TACC2: variants seen among roughly 807,000 people sequenced by gnomAD.
The protein encoded by TACC2 is transforming acidic coiled-coil-containing protein 2.
TACC2 carries 137 observed loss-of-function variants against 227.3 expected under a neutral mutation model. The ratio of observed to expected loss-of-function variants is 0.60; its 90% confidence interval spans 0.52 to 0.69. The LOEUF (loss-of-function observed/expected upper bound fraction) is 0.69. Among genes scored for constraint, TACC2 ranks in the 30% least tolerant of loss-of-function variants. TACC2 has a pLI of 0.00. For synonymous variants in TACC2, 1,523 were observed against 1,487.5 expected (o/e 1.02, Z -0.55); for missense variants, 3,470 against 3,694.4 (o/e 0.94, Z 1.57).
intron 8 of TACC2, among the ~76,000 whole-genome samples, chr10:122,199,110 G>A (rs533171404): frequency 3.3e-5 from 5 of 152,250 alleles, no homozygotes; most frequent in Non-Finnish European, 7.3e-5. Context: ...GGGCCTTGGA[G>A]GTAATGGGGG....
At chr10:122,166,622 C>G (rs1201123635) in intron 7 of TACC2, among the ~76,000 whole-genome samples, 2 of 152,204 alleles carry the variant, frequency 1.3e-5, no homozygotes, top group Non-Finnish European at 2.9e-5. Flanking sequence ...GACCTCACCC[C>G]AGACCAGCTG....
intron 8 of TACC2, among the ~76,000 whole-genome samples, chr10:122,200,003 A>G (rs72840880): frequency 1.5e-4 from 23 of 152,352 alleles, no homozygotes; most frequent in Admixed American, 7.8e-4. Context: ...GAGGATTTCA[A>G]CATAGGAATT....
At chr10:122,067,828 C>G (rs1208503784) in intron 3 of TACC2, among the ~76,000 whole-genome samples, 1 of 152,126 alleles carries the variant, frequency 6.6e-6, no homozygotes, top group Non-Finnish European at 1.5e-5. Context: ...GTTTCTTATG[C>G]TTGGCATTAG....
chr10:121,995,567 A>G lies in TACC2; in HGVS notation c.-46+6079A>G, dbSNP rs73366489. ...CTGTTTTGCATTGCTGTAAAGGAAC[A>G]CCTGAGACTGAGTAGTTTATAAAGA... On this transcript the variant is annotated intron_variant, in intron 1 of 22. Coordinates refer to ENST00000369005, the MANE Select transcript of TACC2 (RefSeq NM_206862.4). Among the ~76,000 whole-genome samples, 882 of 152,288 alleles carry G rather than the reference A, an allele frequency of 5.8e-3. 10 individuals carry two copies. The highest frequency in any genetic ancestry group is 0.021 in the African/African-American group (858 of 41,568).
chr10:122,002,794 A>G (rs952539252), intron 1 of TACC2, among the ~76,000 whole-genome samples: 3 of 152,066 alleles, frequency 2.0e-5, no homozygotes, highest in Non-Finnish European at 4.4e-5. Context: ...AATGTTTAAA[A>G]TTTCTTCCGT....
Position 122,254,025 on chromosome 10 carries a change from A to G in TACC2, c.8816A>G (p.Asp2939Gly). ...ATAGAAGAACTCACCAAGATTTGTG[A>G]CGAACTGATTGCCAAAATGGGGAAA... ...KEIEELTKIC[D>G]ELIAKMGKS Residue 2939 changes from aspartate to glycine, a missense_variant, in exon 23 of 23, where the codon GAC (aspartate) becomes GGC (glycine). Asp to Gly is a moderately conservative substitution (Grantham distance 94). This residue lies in a region of TACC2 where 7 missense variants were observed against 22.7 expected (regional missense o/e 0.31). Transcript: ENST00000369005. 1 of 1,614,198 alleles carries G rather than the reference A, an allele frequency of 6.2e-7. No homozygotes were observed. Among genetic ancestry groups the G allele is most frequent in the Non-Finnish European group, 8.5e-7 (1 of 1,180,024 alleles).
At position 122,160,516 on chromosome 10, in the gene TACC2, C is replaced by T. The variant is rs909431324; in HGVS notation, c.5834+16810C>T. ...TAGATGGCCACTTTCTTGCCTCACA[C>T]AGCAGAGAAGAAGTGTGTGTGTGGG... On this transcript the variant is annotated intron_variant, in intron 7 of 22. Transcript: ENST00000369005. 4.0e-5 allele frequency among the ~76,000 whole-genome samples: 6 copies of T among 148,220 alleles called. No individual in the cohort carries two copies. In the East Asian group the frequency reaches 1.3e-3, roughly 33 times the overall value.
chr10:122,063,208 C>T (rs1196345279), intron 3 of TACC2, among the ~76,000 whole-genome samples: 1 of 152,262 alleles, frequency 6.6e-6, no homozygotes, highest in African/African-American at 2.4e-5. Flanking sequence ...GTGTTTTGCA[C>T]ATCGGCCCGG....
At chr10:122,106,006 A>C (rs1483111931) in intron 5 of TACC2, among the ~76,000 whole-genome samples, 1 of 111,652 alleles carries the variant, frequency 9.0e-6, no homozygotes, top group Non-Finnish European at 1.8e-5. Context: ...TTTTTTTTTG[A>C]GATGGGGTCT....
At chr10:122,191,214 C>T (rs550803129) in intron 7 of TACC2, among the ~76,000 whole-genome samples, 3 of 152,018 alleles carry the variant, frequency 2.0e-5, no homozygotes, top group East Asian at 1.9e-4. Flanking sequence ...AACTCCTGGA[C>T]GAAGCGATCC....
At chr10:122,128,839 C>T (rs1322714923) in intron 5 of TACC2, among the ~76,000 whole-genome samples, 1 of 151,978 alleles carries the variant, frequency 6.6e-6, no homozygotes, top group African/African-American at 2.4e-5. Context: ...AATACTTGTC[C>T]AAATTGCTTC....
chr10:122,144,802 C>A (rs546264781), intron 7 of TACC2, among the ~76,000 whole-genome samples: 3 of 152,312 alleles, frequency 2.0e-5, no homozygotes, highest in African/African-American at 7.2e-5. Flanking sequence ...CTGGCATCTA[C>A]CTGCAGCTCT....
rs1461778056 is a variant in TACC2 at position 122,237,945 on chromosome 10, T to C, written c.8272-16T>C. The C allele has an allele frequency of 6.2e-7, 1 of 1,604,518 alleles. No homozygotes were observed. Among genetic ancestry groups the C allele is most frequent in the Non-Finnish European group, 8.5e-7 (1 of 1,171,730 alleles). On this transcript the variant is annotated splice_polypyrimidine_tract_variant and intron_variant, in intron 17 of 22. Coordinates refer to ENST00000369005, the MANE Select transcript of TACC2 (RefSeq NM_206862.4). ...TCATTTGGGGCTAACCTTTCTCTTC[T>C]TCTCTCTGAAACTAGATCATAACCA... is the stretch of plus-strand genomic sequence containing the variant.
intron 7 of TACC2, among the ~76,000 whole-genome samples, chr10:122,164,335 T>C (rs1169931725): frequency 6.6e-6 from 1 of 152,106 alleles, no homozygotes; most frequent in Non-Finnish European, 1.5e-5. Flanking sequence ...GACTGCCTCC[T>C]CCTAGGAAGA....
chr10:122,215,544 G>C (rs2095386195), intron 10 of TACC2, 93 bp downstream of exon 10: 1 of 1,099,840 alleles, frequency 9.1e-7, no homozygotes, highest in Admixed American at 1.7e-5. Flanking sequence ...GCTCATCCCG[G>C]GCCTGTTTCC....
intron 2 of TACC2, among the ~76,000 whole-genome samples, chr10:122,027,748 ATT>A (rs140880473): frequency 1.8e-3 from 258 of 142,926 alleles, no homozygotes; most frequent in African/African-American, 5.1e-3. Flanking sequence ...ACTTTCTGGG[ATT>A]TTTTTTTTTT....
intron 6 of TACC2, among the ~76,000 whole-genome samples, chr10:122,137,472 C>G (rs2089888704): frequency 6.6e-6 from 1 of 151,672 alleles, no homozygotes; most frequent in Admixed American, 6.6e-5. Context: ...TGAGGCCCAT[C>G]TAAAAAAAAA....
In TACC2 at chr10:122,085,968, T is replaced by C. The variant is rs958360797; in HGVS notation, c.3468T>C (p.Ser1156=). 1.2e-6 allele frequency: 2 copies of C among 1,613,764 alleles called. No homozygotes were observed. The highest frequency in any genetic ancestry group is 1.7e-6 in the Non-Finnish European group (2 of 1,179,932). ...AGAAACCTGGAGAAGCTACTTTGAG[T>C]TGTGGCCTCCTTCAGACTGAGCACT... ...APEKPGEATL[S]CGLLQTEHCL... is the part of the protein sequence containing the mutation. The change falls in exon 4 of 23, where the codon AGT becomes AGC. Residue 1156 remains serine, a synonymous_variant. Coordinates refer to ENST00000369005, the MANE Select transcript of TACC2 (RefSeq NM_206862.4).
At chr10:121,990,033 C>T (rs1952964935) in intron 1 of TACC2, among the ~76,000 whole-genome samples, 1 of 152,090 alleles carries the variant, frequency 6.6e-6, no homozygotes, top group South Asian at 2.1e-4. Context: ...ATTCTCCAGA[C>T]CTTTAATATT....
Sources: gnomAD v4.1 joint callset for allele counts (sites outside exome capture counted in the v4.1 genomes callset) on GRCh38, gnomAD v4.1.1 for gene constraint, gnomAD v4.1.1 regional missense constraint, MANE v1.5 for transcripts, NCBI Gene and HGNC (gene_info 2026-07-23, HGNC 2026-07-21) for gene names.